Variants in SUPT3H observed in about 807,000 individuals in gnomAD.
SUPT3H encodes the protein SPT3 homolog, SAGA and STAGA complex component, also known as transcription initiation protein SPT3 homolog.
Under a neutral mutation model 44.3 loss-of-function variants are expected in SUPT3H, and 44 were observed. The observed-to-expected ratio is 0.99, with a 90% CI of 0.78 to 1.28. The LOEUF is 1.28. Ranked by LOEUF, SUPT3H falls within the 50% of genes most tolerant of loss-of-function variation. The probability of loss-of-function intolerance (pLI) is 0.00; values close to 1 mark genes in which losing one functional copy is unlikely to be tolerated. For missense variants in SUPT3H, 380 were observed against 387.1 expected (o/e 0.98, Z 0.15); for synonymous variants, 124 against 125.6 (o/e 0.99, Z 0.09).
rs1175837432 is a variant in SUPT3H, at chr6:45,230,676, A to G, written c.102-124670T>C. ...ATTCATTCAGTCTATATATATATAT[A>G]TATATATATATTTTTGAGATGGAGT... On this transcript the variant is annotated intron_variant, in intron 2 of 10. Transcript: ENST00000371459. Among the ~76,000 whole-genome samples the G allele has an allele frequency of 4.6e-5, 5 of 107,656 alleles. No individual in the cohort carries two copies. In the East Asian group the frequency reaches 1.1e-3, roughly 24 times the overall value. 70.6% of individuals were successfully genotyped at this position (107,656 alleles called of 152,430 possible). A position where few individuals can be genotyped will look rare whatever the true frequency, so the allele number is the denominator to read the frequency against.
At chr6:45,107,588 C>G (rs1399719725) in intron 2 of SUPT3H, among the ~76,000 whole-genome samples, 1 of 151,950 alleles carries the variant, frequency 6.6e-6, no homozygotes, top group Non-Finnish European at 1.5e-5. Flanking sequence ...CCCATATAGC[C>G]TTAAAAAAAG....
rs6939028 is a variant in SUPT3H at position 45,217,614 on chromosome 6, G to A, written c.102-111608C>T. On this transcript the variant is annotated intron_variant, in intron 2 of 10. Transcript: ENST00000371459. ...AAATACTATATATTTTAATCTGGCC[G>A]AATGTGGTGGCTCACGCTGTAATTC... Among the ~76,000 whole-genome samples, 594 of 152,222 alleles carry A rather than the reference G, an allele frequency of 3.9e-3. 5 individuals are homozygous for A. The highest frequency in any genetic ancestry group is 0.014 in the African/African-American group (565 of 41,536).
intron 3 of SUPT3H, among the ~76,000 whole-genome samples, chr6:45,051,531 T>C (rs1009909697): frequency 6.6e-6 from 1 of 150,946 alleles, no homozygotes; most frequent in African/African-American, 2.4e-5. Flanking sequence ...TGTATGTATA[T>C]ATATTTATTA....
chr6:45,332,360 A>T (rs115695595), intron 2 of SUPT3H, among the ~76,000 whole-genome samples: 5,577 of 149,932 alleles, frequency 0.037, 149 homozygotes, highest in Middle Eastern at 0.059. Context: ...ATATATATTT[A>T]AAAAAAAGGA....
At chr6:44,833,552 TA>T (rs777327089) in intron 10 of SUPT3H, among the ~76,000 whole-genome samples, 36 of 152,214 alleles carry the variant, frequency 2.4e-4, no homozygotes, top group Non-Finnish European at 4.4e-4. Flanking sequence ...TGAACTTACT[TA>T]CACTTTCGAA....
chr6:44,965,641 T>C (rs1776673886), intron 6 of SUPT3H, among the ~76,000 whole-genome samples: 1 of 152,110 alleles, frequency 6.6e-6, no homozygotes, highest in Non-Finnish European at 1.5e-5. Context: ...ATGATTTGGA[T>C]ATGCTTATCA....
intron 2 of SUPT3H, among the ~76,000 whole-genome samples, chr6:45,174,752 AG>A (rs1811408922): frequency 6.6e-6 from 1 of 151,750 alleles, no homozygotes; most frequent in South Asian, 2.1e-4. Context: ...ATTCTCCAAA[AG>A]TTTTGCACAT....
intron 2 of SUPT3H, among the ~76,000 whole-genome samples, chr6:45,362,681 C>G (rs538571733): frequency 1.2e-3 from 187 of 152,260 alleles, no homozygotes; most frequent in Admixed American, 0.012. Flanking sequence ...TAGGAGTGGC[C>G]TCTCTATGAG....
At chr6:45,235,977 T>C (rs947517874) in intron 2 of SUPT3H, among the ~76,000 whole-genome samples, 4 of 152,188 alleles carry the variant, frequency 2.6e-5, no homozygotes, top group South Asian at 2.1e-4. Flanking sequence ...TGCAGGAAAC[T>C]AGCCAGAGCC....
chr6:45,093,445 TAGC>T (rs1797398343), intron 3 of SUPT3H, among the ~76,000 whole-genome samples: 5 of 152,020 alleles, frequency 3.3e-5, no homozygotes, highest in Admixed American at 3.3e-4. Context: ...TCAAGAGTAA[TAGC>T]AGCAATGGGG....
chr6:45,225,278 TAAA>T (rs11333549), intron 2 of SUPT3H, among the ~76,000 whole-genome samples: 43 of 132,096 alleles, frequency 3.3e-4, no homozygotes, highest in Admixed American at 5.3e-4. Flanking sequence ...AAACTCCATC[TAAA>T]AAAAAAAAAA....
chr6:45,206,615 G>T (rs559664833), intron 2 of SUPT3H, among the ~76,000 whole-genome samples: 16 of 151,980 alleles, frequency 1.1e-4, no homozygotes, highest in Non-Finnish European at 2.1e-4. Context: ...AAGGGGCAGG[G>T]GGTAGAAATG....
chr6:45,351,277 T>G (rs1791986257), intron 2 of SUPT3H, among the ~76,000 whole-genome samples: 1 of 151,170 alleles, frequency 6.6e-6, no homozygotes. Context: ...CCACAGAGAC[T>G]GCCCTCCTAC....
chr6:45,182,209 C>T (rs1053013128), intron 2 of SUPT3H, among the ~76,000 whole-genome samples: 3 of 152,186 alleles, frequency 2.0e-5, no homozygotes, highest in African/African-American at 4.8e-5. Context: ...GTTACTGTCC[C>T]ATAGAGCTTA....
intron 10 of SUPT3H, among the ~76,000 whole-genome samples, chr6:44,843,893 T>C (rs1462202448): frequency 6.8e-6 from 1 of 146,108 alleles, no homozygotes; most frequent in South Asian, 2.2e-4. Flanking sequence ...TCAAAGGACC[T>C]TGAACAGCCA....
At chr6:45,251,159 C>T (rs1157313440) in intron 2 of SUPT3H, 1 of 151,968 alleles carries the variant, frequency 6.6e-6, no homozygotes, top group African/African-American at 2.4e-5. Context: ...AGAACAAAGA[C>T]TTCAAATTTT....
rs1466777160 is a variant in SUPT3H at position 44,810,904 on chromosome 6, T to C, written c.*53-1403A>G. Among the ~76,000 whole-genome samples, 4 of 120,766 alleles carry C rather than the reference T, an allele frequency of 3.3e-5. No homozygotes were observed. The Admixed American group carries it at 3.5e-4, about 11-fold the overall frequency. 79.2% of individuals were successfully genotyped at this position (120,766 alleles called of 152,430 possible). A position where few individuals can be genotyped will look rare whatever the true frequency, so the allele number is the denominator to read the frequency against. On this transcript the variant is annotated intron_variant and NMD_transcript_variant, in intron 11 of 11. Transcript: ENST00000475057. ...CTGGATGACAGAGCGAGAGACTCCA[T>C]CTCAAAAAAAAAAAAAATTTATATT...
intron 5 of SUPT3H, among the ~76,000 whole-genome samples, chr6:45,014,462 C>A (rs535656980): frequency 6.6e-6 from 1 of 152,178 alleles, no homozygotes; most frequent in African/African-American, 2.4e-5. Context: ...CCCTCAAGGT[C>A]ACACAAAGAA....
intron 2 of SUPT3H, chr6:45,322,780 C>T: frequency 2.4e-6 from 2 of 830,318 alleles, no homozygotes; most frequent in Non-Finnish European, 4.1e-6. Context: ...ATTTTAAAGG[C>T]TGTGTGTGGT....
Sources: gnomAD v4.1 joint callset for allele counts (sites outside exome capture counted in the v4.1 genomes callset) on GRCh38, gnomAD v4.1.1 for gene constraint, MANE v1.5 for transcripts, NCBI Gene and HGNC (gene_info 2026-07-23, HGNC 2026-07-21) for gene names.